The following ZNF385D variants were observed in gnomAD, a reference collection of about 807,000 sequenced individuals.
ZNF385D encodes the protein zinc finger protein 659.
In ZNF385D, 15 loss-of-function variants were observed where a neutral mutation model predicts 35.8. The ratio of observed to expected loss-of-function variants is 0.42; its 90% CI spans 0.28 to 0.64. The LOEUF (loss-of-function observed/expected upper bound fraction) is 0.64, where lower values mean the gene tolerates loss of function less well. Ranked by LOEUF, ZNF385D falls within the 30% of genes least tolerant of loss-of-function variation. ZNF385D has a pLI of 0.23. For synonymous variants in ZNF385D, 212 were observed against 186.8 expected, an observed-to-expected ratio of 1.13 and a Z score of -1.10; for missense variants, 474 against 494.6, an observed-to-expected ratio of 0.96 and a Z score of 0.39.
intron 3 of ZNF385D, among the ~76,000 whole-genome samples, chr3:21,876,984 C>A (rs1397291068): frequency 6.6e-6 from 1 of 152,062 alleles, no homozygotes; most frequent in Non-Finnish European, 1.5e-5. Context: ...TTAAGAGCAA[C>A]TGTTAACACA....
intron 3 of ZNF385D, among the ~76,000 whole-genome samples, chr3:22,092,461 A>G (rs185030841): frequency 1.2e-3 from 190 of 152,212 alleles, no homozygotes; most frequent in African/African-American, 4.3e-3. Flanking sequence ...TGCTGCTTGT[A>G]TGACACCTAT....
chr3:22,248,754 C>G (rs1377002029), intron 2 of ZNF385D, among the ~76,000 whole-genome samples: 1 of 152,126 alleles, frequency 6.6e-6, no homozygotes, highest in African/African-American at 2.4e-5. Flanking sequence ...GGAGTCGCCT[C>G]CATCTGTGTC....
chr3:21,462,825 T>C (rs1703261389), intron 4 of ZNF385D, among the ~76,000 whole-genome samples: 1 of 151,940 alleles, frequency 6.6e-6, no homozygotes. Flanking sequence ...CTACTAAATA[T>C]ATAAAAATTA....
intron 5 of ZNF385D, among the ~76,000 whole-genome samples, chr3:21,427,348 A>G (rs1234072810): frequency 6.6e-6 from 1 of 152,200 alleles, no homozygotes; most frequent in African/African-American, 2.4e-5. Flanking sequence ...TAGTTTATGA[A>G]TGCCTAAGAA....
chr3:22,190,398 A>G (rs1388994543), intron 2 of ZNF385D, among the ~76,000 whole-genome samples: 5 of 152,202 alleles, frequency 3.3e-5, no homozygotes. Context: ...CTAGTTTTAA[A>G]TTCATGTATT....
chr3:22,192,954 A>C (rs569849364), intron 2 of ZNF385D, among the ~76,000 whole-genome samples: 1 of 152,254 alleles, frequency 6.6e-6, no homozygotes, highest in Non-Finnish European at 1.5e-5. Flanking sequence ...TAAGAAATAA[A>C]ACTGGGTTTT....
At chr3:21,985,700 T>C (rs1024198488) in intron 3 of ZNF385D, among the ~76,000 whole-genome samples, 3 of 137,086 alleles carry the variant, frequency 2.2e-5, no homozygotes, top group Non-Finnish European at 4.7e-5. Flanking sequence ...TTAGGGAGGA[T>C]TCCCTCTTTT....
intron 4 of ZNF385D, among the ~76,000 whole-genome samples, chr3:21,499,342 G>A (rs1487289628): frequency 6.6e-6 from 1 of 151,968 alleles, no homozygotes; most frequent in Non-Finnish European, 1.5e-5. Context: ...TGTGGATGGA[G>A]GCGGGGGCCA....
chr3:21,813,716 C>A (rs2073031407), intron 3 of ZNF385D, among the ~76,000 whole-genome samples: 1 of 152,126 alleles, frequency 6.6e-6, no homozygotes, highest in South Asian at 2.1e-4. Flanking sequence ...AAGACCAAAT[C>A]TACGTCTGAT....
chr3:21,594,023 A>T lies in ZNF385D; in HGVS notation c.166-29339T>A, dbSNP rs568182235. Among the ~76,000 whole-genome samples, 3 of 152,278 alleles carry T rather than the reference A, an allele frequency of 2.0e-5. No individual in the cohort carries two copies. In the South Asian group the frequency reaches 6.2e-4, roughly 32 times the overall value. ...GTTAAGGCAGTTTAACTACCAGCAG[A>T]CAGTAGACGCACAGCTTTTCACTGG... is the stretch of plus-strand genomic sequence containing the variant. On this transcript the variant is annotated intron_variant, in intron 2 of 7. Coordinates refer to ENST00000281523, the MANE Select transcript of ZNF385D (RefSeq NM_024697.3).
chr3:21,804,272 ATT>A (rs1223877309), intron 3 of ZNF385D, among the ~76,000 whole-genome samples: 2 of 152,182 alleles, frequency 1.3e-5, no homozygotes, highest in African/African-American at 2.4e-5. Flanking sequence ...CCCTTTATAA[ATT>A]TTGTTTTCTT....
intron 3 of ZNF385D, among the ~76,000 whole-genome samples, chr3:21,978,645 A>G (rs1201737488): frequency 6.6e-6 from 1 of 151,948 alleles, no homozygotes; most frequent in Non-Finnish European, 1.5e-5. Flanking sequence ...TTATTCAATT[A>G]CTCTTTTATG....
At chr3:22,254,211 G>C (rs573451829) in intron 2 of ZNF385D, among the ~76,000 whole-genome samples, 2 of 151,734 alleles carry the variant, frequency 1.3e-5, no homozygotes, top group Non-Finnish European at 2.9e-5. Flanking sequence ...ATTAAAAAAA[G>C]AAATTAAAAT....
intron 2 of ZNF385D, among the ~76,000 whole-genome samples, chr3:21,588,839 G>A (rs1023307718): frequency 6.6e-6 from 1 of 152,050 alleles, no homozygotes; most frequent in Non-Finnish European, 1.5e-5. Context: ...CTCACCCAGA[G>A]AAAAAGAAAT....
At chr3:21,489,266 C>T (rs565718036) in intron 4 of ZNF385D, among the ~76,000 whole-genome samples, 1 of 152,220 alleles carries the variant, frequency 6.6e-6, no homozygotes, top group African/African-American at 2.4e-5. Flanking sequence ...AGATAGAACT[C>T]AAGATGTTCC....
At chr3:21,848,797 C>T (rs2673519) in intron 3 of ZNF385D, among the ~76,000 whole-genome samples, 129,166 of 152,042 alleles carry the variant, frequency 0.85, 55,323 homozygotes, top group African/African-American at 0.95. Flanking sequence ...TGGTGAATTC[C>T]ACCAAACATA....
intron 3 of ZNF385D, among the ~76,000 whole-genome samples, chr3:22,088,109 A>G (rs1460418220): frequency 6.6e-6 from 1 of 152,212 alleles, no homozygotes; most frequent in East Asian, 1.9e-4. Context: ...AATTTAATAA[A>G]TCAACGCAAA....
chr3:22,173,547 T>A (rs1694608383), intron 2 of ZNF385D, among the ~76,000 whole-genome samples: 2 of 152,152 alleles, frequency 1.3e-5, no homozygotes. Flanking sequence ...AACAGGAACC[T>A]CTTGAGAACT....
chr3:21,849,627 T>TTTTTC lies in ZNF385D; in HGVS notation c.326-184600_326-184599insGAAAA, dbSNP rs1553684558. On this transcript the variant is annotated intron_variant, in intron 3 of 5. Transcript: ENST00000494108. ...TTTCTTTTTTTTTTTTTTTTTTTTT[T>TTTTTC]CTACCACCATCGCTCTACACATCAT... 6.8e-5 allele frequency: 8 copies of TTTTTC among 116,882 alleles called. No individual in the cohort carries two copies. The East Asian group carries it at 7.2e-4, about 10-fold the overall frequency. The allele number at this position is 116,882 out of a possible 1,614,324, so 7.2% of individuals were successfully genotyped here. A position where few individuals can be genotyped will look rare whatever the true frequency, so the allele number is the denominator to read the frequency against.
Sources: allele counts gnomAD v4.1 joint callset (sites outside exome capture counted in the v4.1 genomes callset), GRCh38; gene constraint gnomAD v4.1.1; transcripts MANE v1.5; gene names NCBI Gene and HGNC (gene_info 2026-07-23, HGNC 2026-07-21).